SPSB1: variants seen among roughly 807,000 people sequenced by gnomAD.
SPSB1 encodes splA/ryanodine receptor domain and SOCS box containing 1.
A neutral mutation model predicts 21.2 loss-of-function variants in SPSB1; 8 were observed. That is an observed-to-expected ratio of 0.38 (90% confidence interval 0.22 to 0.68). The LOEUF (loss-of-function observed/expected upper bound fraction) is 0.68. SPSB1 is among the 30% of genes least tolerant of loss of function. SPSB1 has a pLI of 0.53. For synonymous variants in SPSB1, 169 were observed against 161.7 expected (o/e 1.05, Z -0.34); for missense variants, 242 against 377.8 (o/e 0.64, Z 2.98).
rs1381051636 is a variant in SPSB1 at position 9,293,633 on chromosome 1, C to T, written c.-150+562C>T. Among the ~76,000 whole-genome samples the T allele has an allele frequency of 6.6e-6, 1 of 152,176 alleles. No homozygotes were observed. The highest frequency in any genetic ancestry group is 2.4e-5 in the African/African-American group (1 of 41,446). ...CGCCCTCCCCGCCGCCCCGGAGCCG[C>T]CGCGGCTTCTCCCAGCAGCGGAGGG... is the stretch of plus-strand genomic sequence containing the variant. On this transcript the variant is annotated intron_variant, in intron 1 of 2. Coordinates refer to ENST00000328089, the MANE Select transcript of SPSB1 (RefSeq NM_025106.4). The surrounding 1 kb of genome is among the most constrained non-coding windows in gnomAD (Gnocchi z 5.1).
intron 2 of SPSB1, among the ~76,000 whole-genome samples, chr1:9,362,564 C>T (rs1004993489): frequency 9.9e-5 from 15 of 152,248 alleles, no homozygotes; most frequent in African/African-American, 2.4e-4. Flanking sequence ...TTGCGGAAGC[C>T]GGGGCATTCT....
chr1:9,307,339 T>C (rs79682502), intron 1 of SPSB1, among the ~76,000 whole-genome samples: 1,570 of 152,324 alleles, frequency 0.01, 12 homozygotes, highest in Non-Finnish European at 0.017. Flanking sequence ...CCCCTCTGTC[T>C]AGTTCCAAAC....
At chr1:9,358,102 C>T (rs957540147) in intron 2 of SPSB1, among the ~76,000 whole-genome samples, 4 of 152,198 alleles carry the variant, frequency 2.6e-5, no homozygotes, top group African/African-American at 9.7e-5. Context: ...GCTTCTCCTC[C>T]TGGAGAAGGA....
chr1:9,319,883 G>A (rs1639685902), intron 1 of SPSB1, among the ~76,000 whole-genome samples: 1 of 152,066 alleles, frequency 6.6e-6, no homozygotes, highest in African/African-American at 2.4e-5. Flanking sequence ...GGCTGCAGGT[G>A]GGAAGCAGCC....
intron 1 of SPSB1, among the ~76,000 whole-genome samples, chr1:9,299,379 C>T (rs1343365496): frequency 6.6e-6 from 1 of 152,228 alleles, no homozygotes; most frequent in Non-Finnish European, 1.5e-5. Flanking sequence ...TGGCTCACTC[C>T]TGTAATCCTA....
At chr1:9,303,560 G>A (rs541336799) in intron 1 of SPSB1, among the ~76,000 whole-genome samples, 1 of 152,294 alleles carries the variant, frequency 6.6e-6, no homozygotes, top group African/African-American at 2.4e-5. Context: ...CATGTGTTGA[G>A]TCTATAGCAG....
intron 1 of SPSB1, among the ~76,000 whole-genome samples, chr1:9,336,061 C>T (rs1322177655): frequency 6.6e-6 from 1 of 152,212 alleles, no homozygotes; most frequent in Non-Finnish European, 1.5e-5. Flanking sequence ...CCATTTTCTT[C>T]TCTGAGGCTC....
chr1:9,367,659 C>G lies in SPSB1; in HGVS notation c.*84C>G, dbSNP rs1640601268. The G allele has an allele frequency of 6.7e-6, 10 of 1,484,174 alleles. No homozygotes were observed. The highest frequency in any genetic ancestry group is 9.0e-6 in the Non-Finnish European group (10 of 1,113,952). The allele number at this position is 1,484,174 out of a possible 1,614,324, so 91.9% of individuals were successfully genotyped here. On this transcript the variant is annotated 3_prime_UTR_variant, in exon 3 of 3. Transcript: ENST00000328089. The surrounding 1 kb of genome is among the most constrained non-coding windows in gnomAD (Gnocchi z 5.9). ...GCCGCTGGGGCCGCCGCACCCTGCA[C>G]CTTGGACCGGCATCCGTAGCCATGG...
At chr1:9,301,918 T>C (rs1206744294) in intron 1 of SPSB1, among the ~76,000 whole-genome samples, 2 of 152,240 alleles carry the variant, frequency 1.3e-5, no homozygotes, top group Admixed American at 1.3e-4. Context: ...CAGGCACTTA[T>C]TCTGGATACA....
At position 9,314,453 on chromosome 1, in the gene SPSB1, C is replaced by T. The variant is rs1465286614; in HGVS notation, c.-150+21382C>T. 2.0e-5 allele frequency among the ~76,000 whole-genome samples: 3 copies of T among 151,866 alleles called. No homozygotes were observed. In the East Asian group the frequency reaches 5.8e-4, roughly 29 times the overall value. The stretch of plus-strand genomic sequence containing the variant: ...TTGTGAGCATCTAGACCCCGACTGC[C>T]AACCCACCTTCTGCGGACCCAGAGG... On this transcript the variant is annotated intron_variant, in intron 1 of 2. Transcript: ENST00000328089.
intron 1 of SPSB1, among the ~76,000 whole-genome samples, chr1:9,343,441 A>C (rs1254354323): frequency 2.0e-5 from 3 of 152,230 alleles, no homozygotes; most frequent in Non-Finnish European, 4.4e-5. Context: ...CTAGTACTTT[A>C]TGCCTTTTTA....
At chr1:9,320,490 C>T (rs1475346193) in intron 1 of SPSB1, among the ~76,000 whole-genome samples, 1 of 152,220 alleles carries the variant, frequency 6.6e-6, no homozygotes, top group African/African-American at 2.4e-5. Context: ...AGCCGTTTCC[C>T]TTGGCGTTCC....
intron 2 of SPSB1, among the ~76,000 whole-genome samples, chr1:9,359,851 G>GC (rs948243731): frequency 1.1e-4 from 17 of 151,408 alleles, no homozygotes; most frequent in South Asian, 6.5e-4. Context: ...GGAAGCCGGG[G>GC]GGGTGGGTGG....
At chr1:9,331,243 C>T (rs766750799) in intron 1 of SPSB1, among the ~76,000 whole-genome samples, 6 of 148,706 alleles carry the variant, frequency 4.0e-5, no homozygotes, top group Admixed American at 3.4e-4. Context: ...ACTGTGCACT[C>T]GATTTGGAGT....
intron 2 of SPSB1, among the ~76,000 whole-genome samples, chr1:9,360,927 G>C (rs976092883): frequency 2.0e-5 from 3 of 152,192 alleles, no homozygotes; most frequent in African/African-American, 7.2e-5. Context: ...CCTGTGGGGG[G>C]TGAAAGATGA....
At chr1:9,329,238 T>G (rs1639874123) in intron 1 of SPSB1, among the ~76,000 whole-genome samples, 1 of 150,144 alleles carries the variant, frequency 6.7e-6, no homozygotes, top group Non-Finnish European at 1.5e-5. Flanking sequence ...GGTTTGTGGG[T>G]GGGGGGAAAT....
intron 1 of SPSB1, among the ~76,000 whole-genome samples, chr1:9,331,780 T>C (rs1046839993): frequency 6.6e-6 from 1 of 152,210 alleles, no homozygotes; most frequent in African/African-American, 2.4e-5. Flanking sequence ...ACCATCTCTG[T>C]ATTGACTCTG....
intron 1 of SPSB1, among the ~76,000 whole-genome samples, chr1:9,349,481 G>A (rs142154324): frequency 5.7e-4 from 87 of 152,382 alleles, no homozygotes; most frequent in African/African-American, 2.0e-3. Flanking sequence ...GACGTGGAGC[G>A]TGAGAGGCTG....
Position 9,310,266 on chromosome 1 carries a change from C to A in SPSB1, c.-150+17195C>A, listed in dbSNP as rs533301504. On this transcript the variant is annotated intron_variant, in intron 1 of 2. Transcript: ENST00000328089. Reference sequence around the variant, plus strand: ...TGGGACTTGCCTCTTGGGTTGATCCCAGGAAGCTTCAAGCAAACTCAAGAT... The same window carrying A: ...TGGGACTTGCCTCTTGGGTTGATCCAAGGAAGCTTCAAGCAAACTCAAGAT... Among the ~76,000 whole-genome samples the A allele has an allele frequency of 3.9e-5, 6 of 152,284 alleles. 1 individual carries two copies. In the South Asian group the frequency reaches 1.2e-3, roughly 32 times the overall value.
Sources: allele counts gnomAD v4.1 joint callset (sites outside exome capture counted in the v4.1 genomes callset), GRCh38; gene constraint gnomAD v4.1.1; non-coding constraint Gnocchi (gnomAD v3.1); transcripts MANE v1.5; gene names NCBI Gene and HGNC (gene_info 2026-07-23, HGNC 2026-07-21).